LAPTM4A: variants seen among roughly 807,000 people sequenced by gnomAD.
LAPTM4A encodes lysosomal protein transmembrane 4 alpha, also known as lysosomal-associated transmembrane protein 4A.
A neutral mutation model predicts 29.9 loss-of-function variants in LAPTM4A; 19 were observed. The observed-to-expected ratio is 0.64, with a 90% CI of 0.44 to 0.93. The LOEUF (loss-of-function observed/expected upper bound fraction) is 0.93, where lower values mean the gene tolerates loss of function less well. Among genes scored for constraint, LAPTM4A ranks in the 40% least tolerant of loss-of-function variants. The pLI is 0.00. For synonymous variants in LAPTM4A, 105 were observed against 102.1 expected (o/e 1.03, Z -0.17); for missense variants, 293 against 288.5 (o/e 1.02, Z -0.11).
chr2:20,035,212 T>TA, intron 4 of LAPTM4A, 150 bp from the exon 5 acceptor site: 1 of 630,296 alleles, frequency 1.6e-6, no homozygotes, highest in Non-Finnish European at 2.9e-6. Flanking sequence ...AAAGTGCTTT[T>TA]AAATTTTAAG....
chr2:20,042,244 C>T (rs1673815812), intron 1 of LAPTM4A, among the ~76,000 whole-genome samples: 1 of 152,196 alleles, frequency 6.6e-6, no homozygotes. Context: ...TGATTACAGG[C>T]ATGAGCCACC....
chr2:20,050,093 T>C (rs1674020778), intron 1 of LAPTM4A, among the ~76,000 whole-genome samples: 1 of 152,132 alleles, frequency 6.6e-6, no homozygotes, highest in Non-Finnish European at 1.5e-5. Context: ...TTTCCGAATA[T>C]AAAAGTACAG....
intron 2 of LAPTM4A, 99 bp downstream of exon 2, chr2:20,040,792 A>G: frequency 9.0e-7 from 1 of 1,106,152 alleles, no homozygotes; most frequent in Non-Finnish European, 1.3e-6. Context: ...AATATCACCC[A>G]GTGACATTTC....
Position 20,035,008 on chromosome 2 carries a change from A to G in LAPTM4A, c.487T>C (p.Phe163Leu), listed in dbSNP as rs866480995. The G allele has an allele frequency of 9.9e-6, 16 of 1,612,956 alleles. 1 individual carries two copies. In the Middle Eastern group the frequency reaches 2.5e-3, roughly 249 times the overall value. Residue 163 changes from phenylalanine to leucine, a missense_variant, in exon 5 of 7, where the codon TTC (phenylalanine) becomes CTC (leucine). Physicochemically the swap from Phe to Leu is conservative, Grantham distance 22. Coordinates refer to ENST00000175091, the MANE Select transcript of LAPTM4A (RefSeq NM_014713.5). The stretch of plus-strand genomic sequence containing the variant: ...AAGGCAAAGAACACAAGAACAATGA[A>G]CAGGAGGCAGCTGGAGTCCAAGGCC... ...LLALDSSCLLFIVLVFFALFI... is the reference protein window; with the variant it reads ...LLALDSSCLLLIVLVFFALFI...
chr2:20,046,802 A>T (rs905238179), intron 1 of LAPTM4A, among the ~76,000 whole-genome samples: 28 of 143,804 alleles, frequency 1.9e-4, no homozygotes, highest in African/African-American at 4.1e-4. Flanking sequence ...TATAATATAT[A>T]TTTTTTTTTG....
At chr2:20,034,841 T>G (rs971609396) in intron 5 of LAPTM4A, 126 bp downstream of exon 5, 4 of 689,984 alleles carry the variant, frequency 5.8e-6, no homozygotes, top group Non-Finnish European at 1.0e-5. Context: ...TCTGCTCATG[T>G]GCCAGAATAA....
chr2:20,033,564 C>T (rs553093767), intron 6 of LAPTM4A, among the ~76,000 whole-genome samples: 2 of 152,146 alleles, frequency 1.3e-5, no homozygotes, highest in Non-Finnish European at 2.9e-5. Flanking sequence ...TTGCTCTGCC[C>T]TCATTCCAGT....
chr2:20,051,572 C>T lies in LAPTM4A; in HGVS notation c.-52G>A. ...CGGGCCCCTGACAAACGTTCTCCAC[C>T]CGCAGCCAAACTCAAACGGCTGTTT... On this transcript the variant is annotated 5_prime_UTR_variant, in exon 1 of 7. Transcript: ENST00000175091. 1.7e-6 allele frequency: 2 copies of T among 1,209,378 alleles called. No homozygotes were observed. The highest frequency in any genetic ancestry group is 2.4e-6 in the Non-Finnish European group (2 of 846,938). The allele number at this position is 1,209,378 out of a possible 1,614,324, so 74.9% of individuals were successfully genotyped here.
chr2:20,038,852 T>A (rs988349777), intron 2 of LAPTM4A, among the ~76,000 whole-genome samples: 1 of 152,136 alleles, frequency 6.6e-6, no homozygotes, highest in Non-Finnish European at 1.5e-5. Context: ...AAAAAAATAC[T>A]GAGGGCACTA....
At chr2:20,038,589 C>G (rs1012846238) in intron 2 of LAPTM4A, among the ~76,000 whole-genome samples, 1 of 152,016 alleles carries the variant, frequency 6.6e-6, no homozygotes, top group South Asian at 2.1e-4. Flanking sequence ...CCACATCCAG[C>G]TAATTTCTGT....
At chr2:20,038,269 T>G (rs1444199272) in intron 2 of LAPTM4A, among the ~76,000 whole-genome samples, 1 of 152,204 alleles carries the variant, frequency 6.6e-6, no homozygotes, top group Non-Finnish European at 1.5e-5. Context: ...TTCTTCTTCG[T>G]TTCTCAACTC....
At chr2:20,041,246 T>C (rs1455554009) in intron 1 of LAPTM4A, among the ~76,000 whole-genome samples, 1 of 152,196 alleles carries the variant, frequency 6.6e-6, no homozygotes, top group East Asian at 1.9e-4. Context: ...ATAAGATGCT[T>C]AACCAATACA....
intron 2 of LAPTM4A, among the ~76,000 whole-genome samples, chr2:20,038,805 C>T (rs905212164): frequency 3.3e-5 from 5 of 152,086 alleles, no homozygotes; most frequent in African/African-American, 7.2e-5. Context: ...TAGCAAGACC[C>T]TGTATGCACA....
chr2:20,046,014 T>C (rs1414423634), intron 1 of LAPTM4A, among the ~76,000 whole-genome samples: 1 of 152,098 alleles, frequency 6.6e-6, no homozygotes, highest in Non-Finnish European at 1.5e-5. Flanking sequence ...TTTTTAGCCA[T>C]AAAAAAGGAT....
intron 1 of LAPTM4A, among the ~76,000 whole-genome samples, chr2:20,041,213 A>C (rs1449280376): frequency 6.6e-6 from 1 of 152,216 alleles, no homozygotes; most frequent in Non-Finnish European, 1.5e-5. Context: ...TATAAAGTAT[A>C]AGTAATATTA....
rs201038656 is a variant in LAPTM4A, at chr2:20,037,415, T to G, written c.333A>C (p.Pro111=). The G allele has an allele frequency of 6.2e-7, 1 of 1,612,366 alleles. No homozygotes were observed. Among genetic ancestry groups the G allele is most frequent in the Non-Finnish European group, 8.5e-7 (1 of 1,179,458 alleles). The change falls in exon 4 of 7, where the codon CCA becomes CCC. Residue 111 remains proline, a synonymous_variant. Coordinates refer to ENST00000175091, the MANE Select transcript of LAPTM4A (RefSeq NM_014713.5). The part of the protein sequence containing the change: ...AISYQVGWLI[P]FFCYRLFDFV... ...AGTCAAAAAGTCGGTAACAGAAGAA[T>G]GGAATCAGCCAACCCACTTGATACT...
At chr2:20,041,828 G>A (rs1474421357) in intron 1 of LAPTM4A, among the ~76,000 whole-genome samples, 1 of 152,112 alleles carries the variant, frequency 6.6e-6, no homozygotes, top group Non-Finnish European at 1.5e-5. Context: ...GAGCCACCAC[G>A]CCCGGCCTTA....
chr2:20,047,956 A>T (rs531238196), intron 1 of LAPTM4A, among the ~76,000 whole-genome samples: 21 of 152,324 alleles, frequency 1.4e-4, no homozygotes, highest in African/African-American at 5.1e-4. Context: ...AGTTTAAGGA[A>T]GGAAACTAAC....
At chr2:20,048,234 A>T (rs1439941556) in intron 1 of LAPTM4A, among the ~76,000 whole-genome samples, 1 of 152,254 alleles carries the variant, frequency 6.6e-6, no homozygotes, top group Non-Finnish European at 1.5e-5. Flanking sequence ...TTCAATAAAC[A>T]TTTGAGTTTA....
Sources: allele counts gnomAD v4.1 joint callset (sites outside exome capture counted in the v4.1 genomes callset), GRCh38; gene constraint gnomAD v4.1.1; transcripts MANE v1.5; gene names NCBI Gene and HGNC (gene_info 2026-07-23, HGNC 2026-07-21).